Variants in BARX2 observed in about 807,000 individuals in gnomAD.
BARX2 encodes BARX homeobox 2, also known as homeobox protein BarH-like 2.
A neutral mutation model predicts 25.5 loss-of-function variants in BARX2; 11 were observed. The observed-to-expected ratio is 0.43, with a 90% CI of 0.27 to 0.71. BARX2 has a LOEUF of 0.71. Among genes scored for constraint, BARX2 ranks in the 30% least tolerant of loss-of-function variants. The pLI is 0.19. For missense variants in BARX2, 360 were observed against 359.9 expected, an observed-to-expected ratio of 1.00 and a Z score of 0.00; for synonymous variants, 137 against 149.5, an observed-to-expected ratio of 0.92 and a Z score of 0.61.
chr11:129,449,805 G>T (rs964681310), intron 3 of BARX2, among the ~76,000 whole-genome samples: 1 of 152,144 alleles, frequency 6.6e-6, no homozygotes, highest in Admixed American at 6.5e-5. Flanking sequence ...GAGTGAGAGG[G>T]GCAGCAGGTA....
At chr11:129,422,042 A>T (rs1479930385) in intron 1 of BARX2, among the ~76,000 whole-genome samples, 1 of 152,104 alleles carries the variant, frequency 6.6e-6, no homozygotes, top group African/African-American at 2.4e-5. Flanking sequence ...GATCTTCCTG[A>T]ATACTCTTTT....
intron 1 of BARX2, among the ~76,000 whole-genome samples, chr11:129,399,102 G>C (rs1050433668): frequency 2.6e-5 from 4 of 152,142 alleles, no homozygotes; most frequent in African/African-American, 9.7e-5. Flanking sequence ...CCTATATGAT[G>C]GTCCCCTGGG....
intron 1 of BARX2, among the ~76,000 whole-genome samples, chr11:129,385,607 G>A (rs1861609843): frequency 6.6e-6 from 1 of 152,262 alleles, no homozygotes; most frequent in South Asian, 2.1e-4. Flanking sequence ...ACTACATATT[G>A]TTTAGAGAGG....
At chr11:129,394,935 A>ATAT (rs1861702676) in intron 1 of BARX2, among the ~76,000 whole-genome samples, 1 of 144,818 alleles carries the variant, frequency 6.9e-6, no homozygotes, top group Non-Finnish European at 1.5e-5. Flanking sequence ...TCCACTCAGC[A>ATAT]TTTTTTTTTT....
At chr11:129,399,666 C>T (rs1176713871) in intron 1 of BARX2, among the ~76,000 whole-genome samples, 1 of 152,160 alleles carries the variant, frequency 6.6e-6, no homozygotes, top group African/African-American at 2.4e-5. Context: ...GCAAGGCTAC[C>T]CCATAAGCAG....
intron 3 of BARX2, among the ~76,000 whole-genome samples, chr11:129,444,982 CG>C (rs1555141056): frequency 6.6e-6 from 1 of 151,386 alleles, no homozygotes; most frequent in Non-Finnish European, 1.5e-5. Context: ...GTCTGGGCCA[CG>C]GAGCAAGACT....
At chr11:129,391,623 CG>C (rs1861666507) in intron 1 of BARX2, among the ~76,000 whole-genome samples, 1 of 152,102 alleles carries the variant, frequency 6.6e-6, no homozygotes, top group African/African-American at 2.4e-5. Flanking sequence ...GAGAAAGACC[CG>C]ACAGTGGGAG....
At position 129,436,610 on chromosome 11, in the gene BARX2, C is replaced by T. The variant is rs1862191272; in HGVS notation, c.188-141C>T. 1.1e-5 allele frequency: 10 copies of T among 926,904 alleles called. No homozygotes were observed. In the South Asian group the frequency reaches 1.7e-4, roughly 16 times the overall value. 57.4% of individuals were successfully genotyped at this position (926,904 alleles called of 1,614,324 possible). ...CAGCTGTAGGTCTTGAGTTACCTCT[C>T]CTTCCCCTTCCTCCATCTGTACCTC... On this transcript the variant is annotated intron_variant, in intron 1 of 3. Transcript: ENST00000281437. The surrounding 1 kb of genome is among the most constrained non-coding windows in gnomAD (Gnocchi z 4.5).
intron 1 of BARX2, among the ~76,000 whole-genome samples, chr11:129,395,516 A>G (rs1174896743): frequency 6.6e-6 from 1 of 152,130 alleles, no homozygotes; most frequent in Admixed American, 6.5e-5. Context: ...AGTTCCGTGC[A>G]TTTAGGGTTG....
At position 129,436,590 on chromosome 11, in the gene BARX2, G is replaced by A; in HGVS notation, c.188-161G>A. 1 of 748,288 alleles carries A rather than the reference G, an allele frequency of 1.3e-6. No homozygotes were observed. The highest frequency in any genetic ancestry group is 2.1e-6 in the Non-Finnish European group (1 of 468,348). 46.4% of individuals were successfully genotyped at this position (748,288 alleles called of 1,614,324 possible). A position where few individuals can be genotyped will look rare whatever the true frequency, so the allele number is the denominator to read the frequency against. On this transcript the variant is annotated intron_variant, in intron 1 of 3. Coordinates refer to ENST00000281437, the MANE Select transcript of BARX2 (RefSeq NM_003658.5). The surrounding 1 kb of genome is among the most constrained non-coding windows in gnomAD (Gnocchi z 4.5). ...AGACCTCTGTGCCTGCCCTGCAGCT[G>A]TAGGTCTTGAGTTACCTCTCCTTCC...
At chr11:129,397,144 C>A (rs543540055) in intron 1 of BARX2, among the ~76,000 whole-genome samples, 1 of 151,990 alleles carries the variant, frequency 6.6e-6, no homozygotes, top group Non-Finnish European at 1.5e-5. Flanking sequence ...GTTAGCCGGG[C>A]GTGGTGGTAT....
chr11:129,419,129 C>T (rs1861976370), intron 1 of BARX2, among the ~76,000 whole-genome samples: 1 of 152,170 alleles, frequency 6.6e-6, no homozygotes, highest in Non-Finnish European at 1.5e-5. Context: ...GTGTCCTGTC[C>T]AGGGCCGGCC....
At chr11:129,415,003 C>T (rs1412598692) in intron 1 of BARX2, among the ~76,000 whole-genome samples, 1 of 152,124 alleles carries the variant, frequency 6.6e-6, no homozygotes, top group East Asian at 1.9e-4. Flanking sequence ...TGCAATATTG[C>T]TCATTTATAT....
intron 1 of BARX2, among the ~76,000 whole-genome samples, chr11:129,401,076 C>T (rs1340521197): frequency 6.6e-6 from 1 of 152,176 alleles, no homozygotes; most frequent in Admixed American, 6.5e-5. Context: ...TCCTGCTCTT[C>T]ACTAAGAAAC....
intron 2 of BARX2, among the ~76,000 whole-genome samples, chr11:129,442,200 G>A (rs1862268819): frequency 1.3e-5 from 2 of 152,190 alleles, no homozygotes; most frequent in African/African-American, 4.8e-5. Context: ...CACCGGTTCT[G>A]GATTTAGCAG....
chr11:129,418,757 G>A (rs994184930), intron 1 of BARX2, among the ~76,000 whole-genome samples: 3 of 152,108 alleles, frequency 2.0e-5, no homozygotes, highest in South Asian at 2.1e-4. Context: ...TATAACGAAC[G>A]CCTGGCATAG....
rs150467424 is a variant in BARX2 at position 129,382,761 on chromosome 11, G to A, written c.187+6539G>A. Reference sequence around the variant, plus strand: ...GTGTTTCTAGTGTGGCTCTAGGGACGCACTCACAGCTGGATTAACCACCTT... The same window carrying A: ...GTGTTTCTAGTGTGGCTCTAGGGACACACTCACAGCTGGATTAACCACCTT... On this transcript the variant is annotated intron_variant, in intron 1 of 3. Coordinates refer to ENST00000281437, the MANE Select transcript of BARX2 (RefSeq NM_003658.5). Among the ~76,000 whole-genome samples, 8 of 152,256 alleles carry A rather than the reference G, an allele frequency of 5.3e-5. No individual in the cohort carries two copies. In the East Asian group the frequency reaches 1.3e-3, roughly 26 times the overall value.
chr11:129,422,966 G>C (rs1017598551), intron 1 of BARX2, among the ~76,000 whole-genome samples: 1 of 151,934 alleles, frequency 6.6e-6, no homozygotes, highest in South Asian at 2.1e-4. Context: ...GCCTCCCAAA[G>C]TGCTGGGATT....
intron 2 of BARX2, among the ~76,000 whole-genome samples, chr11:129,439,843 C>T (rs370630639): frequency 6.6e-6 from 1 of 152,106 alleles, no homozygotes; most frequent in Admixed American, 6.5e-5. Flanking sequence ...TATGGTAGCA[C>T]GGTGGTATGT....
Sources: allele counts gnomAD v4.1 joint callset (sites outside exome capture counted in the v4.1 genomes callset), GRCh38; gene constraint gnomAD v4.1.1; non-coding constraint Gnocchi (gnomAD v3.1); transcripts MANE v1.5; gene names NCBI Gene and HGNC (gene_info 2026-07-23, HGNC 2026-07-21).